PDGFD: variants seen among roughly 807,000 people sequenced by gnomAD.
PDGFD encodes the protein platelet-derived growth factor D.
A neutral mutation model predicts 44.7 loss-of-function variants in PDGFD; 30 were observed. The observed-to-expected ratio is 0.67, with a 90% CI of 0.50 to 0.91. The LOEUF (loss-of-function observed/expected upper bound fraction) is 0.91, where lower values mean the gene tolerates loss of function less well. Among genes scored for constraint, PDGFD ranks in the 40% least tolerant of loss-of-function variants. The probability of loss-of-function intolerance (pLI) is 0.00; values close to 1 mark genes in which losing one functional copy is unlikely to be tolerated. For synonymous variants in PDGFD, 173 were observed against 168.4 expected, an observed-to-expected ratio of 1.03 and a Z score of -0.21; for missense variants, 445 against 457.8, an observed-to-expected ratio of 0.97 and a Z score of 0.25.
intron 1 of PDGFD, among the ~76,000 whole-genome samples, chr11:104,018,876 G>A (rs1318586362): frequency 6.6e-6 from 1 of 152,110 alleles, no homozygotes; most frequent in Non-Finnish European, 1.5e-5. Context: ...TTTCCTTACT[G>A]GACTTTTTAG....
intron 1 of PDGFD, among the ~76,000 whole-genome samples, chr11:104,145,132 T>A (rs1404636424): frequency 6.6e-6 from 1 of 152,106 alleles, no homozygotes; most frequent in African/African-American, 2.4e-5. Flanking sequence ...CTGAGAGGGG[T>A]TGAGTAATCC....
chr11:104,140,470 C>T (rs1862069223), intron 1 of PDGFD, among the ~76,000 whole-genome samples: 1 of 152,052 alleles, frequency 6.6e-6, no homozygotes, highest in Non-Finnish European at 1.5e-5. Flanking sequence ...TCTGTTAAAA[C>T]ATGTTCAAAA....
chr11:103,957,921 G>A (rs1858882051), intron 3 of PDGFD, among the ~76,000 whole-genome samples: 1 of 151,988 alleles, frequency 6.6e-6, no homozygotes, highest in Non-Finnish European at 1.5e-5. Flanking sequence ...TATGGTGTTG[G>A]TTCACCAACC....
chr11:104,086,434 C>T (rs571862888), intron 1 of PDGFD, among the ~76,000 whole-genome samples: 1 of 152,150 alleles, frequency 6.6e-6, no homozygotes, highest in East Asian at 1.9e-4. Context: ...ATTGATGGTA[C>T]ATCTTATAAT....
intron 1 of PDGFD, among the ~76,000 whole-genome samples, chr11:104,032,555 C>A (rs1233627635): frequency 6.6e-6 from 1 of 151,386 alleles, no homozygotes; most frequent in South Asian, 2.1e-4. Flanking sequence ...TTTTTTTTCA[C>A]TAAAAAGACA....
intron 5 of PDGFD, among the ~76,000 whole-genome samples, chr11:103,933,630 C>T (rs141733964): frequency 2.0e-3 from 297 of 152,298 alleles, no homozygotes; most frequent in African/African-American, 6.6e-3. Flanking sequence ...TGTGAAGCAA[C>T]GAGTGAATGC....
chr11:104,150,309 G>A (rs994318579), intron 1 of PDGFD, among the ~76,000 whole-genome samples: 5 of 152,080 alleles, frequency 3.3e-5, no homozygotes, highest in Non-Finnish European at 5.9e-5. Flanking sequence ...TTTCGGACAC[G>A]GAATTAGGGC....
intron 1 of PDGFD, among the ~76,000 whole-genome samples, chr11:104,144,189 A>G (rs17102103): frequency 0.13 from 19,899 of 152,148 alleles, 1,592 homozygotes; most frequent in African/African-American, 0.23. Context: ...AAACCTCAGA[A>G]TCTCAATTCT....
chr11:104,137,129 A>G (rs361272), intron 1 of PDGFD, among the ~76,000 whole-genome samples: 151,661 of 152,336 alleles, frequency 1, 75,497 homozygotes, highest in Middle Eastern at 1. Flanking sequence ...GTGATACCAC[A>G]TGGCCTGAAT....
chr11:104,091,909 C>T (rs945864543), intron 1 of PDGFD, among the ~76,000 whole-genome samples: 6 of 152,032 alleles, frequency 3.9e-5, no homozygotes, highest in African/African-American at 1.4e-4. Context: ...ATCTGGCTGG[C>T]AATAAAGGAG....
chr11:103,981,736 T>C lies in PDGFD; in HGVS notation c.510+14329A>G, dbSNP rs186385967. 1.3e-5 allele frequency among the ~76,000 whole-genome samples: 2 copies of C among 151,892 alleles called. 1 individual carries two copies. Among genetic ancestry groups the C allele is most frequent in the African/African-American group, 4.9e-5 (2 of 41,228 alleles). Reference sequence around the variant, plus strand: ...TGGAGTGTTTGAAAACCTGGAAAGCTCTTGAGGCCTTAGTTAATATCTGCT... The same window carrying C: ...TGGAGTGTTTGAAAACCTGGAAAGCCCTTGAGGCCTTAGTTAATATCTGCT... On this transcript the variant is annotated intron_variant, in intron 3 of 6. Coordinates refer to ENST00000393158, the MANE Select transcript of PDGFD (RefSeq NM_025208.5).
intron 3 of PDGFD, among the ~76,000 whole-genome samples, chr11:103,956,526 G>A (rs894552289): frequency 1.4e-5 from 2 of 145,706 alleles, no homozygotes; most frequent in Non-Finnish European, 3.0e-5. Context: ...AAACATACGT[G>A]TGCATGTGTC....
chr11:104,162,218 T>C (rs1862401260), intron 1 of PDGFD, among the ~76,000 whole-genome samples: 2 of 151,874 alleles, frequency 1.3e-5, no homozygotes, highest in South Asian at 2.1e-4. Flanking sequence ...TGGGCAATGG[T>C]TACATGCTTT....
chr11:103,936,364 A>T (rs973771315), intron 5 of PDGFD, among the ~76,000 whole-genome samples: 1 of 152,190 alleles, frequency 6.6e-6, no homozygotes, highest in African/African-American at 2.4e-5. Flanking sequence ...TCATATGTTA[A>T]TGCTCTCTGA....
chr11:104,087,542 T>C (rs1861149725), intron 1 of PDGFD, among the ~76,000 whole-genome samples: 1 of 152,112 alleles, frequency 6.6e-6, no homozygotes, highest in African/African-American at 2.4e-5. Context: ...ATCTTTTCAG[T>C]ATATCTGACA....
intron 1 of PDGFD, among the ~76,000 whole-genome samples, chr11:104,140,225 C>T (rs1037746883): frequency 1.7e-4 from 26 of 152,068 alleles, no homozygotes; most frequent in African/African-American, 6.3e-4. Flanking sequence ...AATTATAATG[C>T]CAATTAGCAT....
intron 1 of PDGFD, among the ~76,000 whole-genome samples, chr11:104,003,495 T>G (rs1859650668): frequency 6.6e-6 from 1 of 152,164 alleles, no homozygotes; most frequent in South Asian, 2.1e-4. Context: ...AAGGTCCTAT[T>G]CTGGAAGGGC....
chr11:104,005,315 C>T (rs1022096379), intron 1 of PDGFD, among the ~76,000 whole-genome samples: 1 of 152,204 alleles, frequency 6.6e-6, no homozygotes, highest in African/African-American at 2.4e-5. Flanking sequence ...CTTCTAACCA[C>T]TGTACTATAG....
intron 3 of PDGFD, among the ~76,000 whole-genome samples, chr11:103,981,105 T>C (rs1188557904): frequency 6.6e-6 from 1 of 151,894 alleles, no homozygotes; most frequent in Non-Finnish European, 1.5e-5. Flanking sequence ...TATAAGTGAT[T>C]AATTCATTTA....
Sources: gnomAD v4.1 joint callset for allele counts (sites outside exome capture counted in the v4.1 genomes callset) on GRCh38, gnomAD v4.1.1 for gene constraint, MANE v1.5 for transcripts, NCBI Gene and HGNC (gene_info 2026-07-23, HGNC 2026-07-21) for gene names.